RGL1: variants seen among roughly 807,000 people sequenced by gnomAD.
RGL1 encodes ral guanine nucleotide dissociation stimulator like 1, also known as ral guanine nucleotide dissociation stimulator-like 1.
Under a neutral mutation model 95.2 loss-of-function variants are expected in RGL1, and 24 were observed. The ratio of observed to expected loss-of-function variants is 0.25; its 90% CI spans 0.18 to 0.35. The LOEUF (loss-of-function observed/expected upper bound fraction) is 0.35. RGL1 is among the 10% of genes least tolerant of loss of function. The pLI is 1.00. For missense variants in RGL1, 715 were observed against 936.3 expected (o/e 0.76, Z 3.08); for synonymous variants, 329 against 344.9 (o/e 0.95, Z 0.51).
At chr1:183,878,461 G>A (rs1666647373) in intron 4 of RGL1, among the ~76,000 whole-genome samples, 1 of 151,756 alleles carries the variant, frequency 6.6e-6, no homozygotes, top group South Asian at 2.1e-4. Context: ...GCCTCCCAAA[G>A]TGCTGGGATT....
intron 17 of RGL1, 41 bp from the exon 18 acceptor site, chr1:183,926,064 C>T (rs200888969): frequency 3.8e-6 from 6 of 1,576,096 alleles, no homozygotes; most frequent in Middle Eastern, 1.7e-4. Context: ...CTGAGCTGAC[C>T]TCCACAAGCT....
At chr1:183,836,877 A>T (rs539110522) in intron 2 of RGL1, among the ~76,000 whole-genome samples, 1 of 152,110 alleles carries the variant, frequency 6.6e-6, no homozygotes, top group African/African-American at 2.4e-5. Flanking sequence ...AAACTAAACA[A>T]CGTCATTATT....
chr1:183,647,407 C>G (rs1650368590), intron 1 of RGL1: 1 of 285,076 alleles, frequency 3.5e-6, no homozygotes, highest in African/African-American at 2.2e-5. Context: ...TTTTCTGCAT[C>G]AAAATATTAG....
At chr1:183,855,989 C>T (rs1300759313) in intron 3 of RGL1, among the ~76,000 whole-genome samples, 1 of 152,116 alleles carries the variant, frequency 6.6e-6, no homozygotes, top group African/African-American at 2.4e-5. Context: ...TGTGCCTCCC[C>T]CAACCCACCC....
At position 183,904,924 on chromosome 1, in the gene RGL1, G is replaced by T. The variant is rs372228874; in HGVS notation, c.1425G>T (p.Lys475Asn). ...GCTATTGCATGACCCCAGACCAAAA[G>T]TTCATCCAGTGGTTCCAGAGGCAGC... is the stretch of plus-strand genomic sequence containing the variant. ...CNSYCMTPDQ[K>N]FIQWFQRQQL... Residue 475 changes from lysine to asparagine, a missense_variant, in exon 13 of 18, where the codon AAG (lysine) becomes AAT (asparagine). Around this residue, in one of 3 missense-constraint regions of RGL1, gnomAD observed 330 missense variants for 429.6 expected, o/e 0.77. Coordinates refer to ENST00000360851, the MANE Select transcript of RGL1 (RefSeq NM_001297671.3). 1 of 1,613,754 alleles carries T rather than the reference G, an allele frequency of 6.2e-7. No homozygotes were observed. Among genetic ancestry groups the T allele is most frequent in the Non-Finnish European group, 8.5e-7 (1 of 1,179,890 alleles).
chr1:183,884,756 C>G lies in RGL1; in HGVS notation c.769C>G (p.Leu257Val). ...LFKKVVPHHC[L>V]GCIWSRRDKK... ...CAAGAAAGTAGTGCCTCACCACTGC[C>G]TGGGCTGCATTTGGTCTCGAAGGGA... Residue 257 changes from leucine (L) to valine (V), a missense_variant, in exon 7 of 18, where the codon CTG becomes GTG. Leu to Val is a conservative substitution (Grantham distance 32). Transcript: ENST00000360851. 6.2e-7 allele frequency: 1 copy of G among 1,614,064 alleles called. No individual in the cohort carries two copies. Among genetic ancestry groups the G allele is most frequent in the Non-Finnish European group, 8.5e-7 (1 of 1,179,966 alleles).
In RGL1 at chr1:183,759,696, G is replaced by C. The variant is rs567014964; in HGVS notation, c.132+17407G>C. Among the ~76,000 whole-genome samples the C allele has an allele frequency of 4.6e-5, 7 of 152,314 alleles. No individual in the cohort carries two copies. The South Asian group carries it at 1.2e-3, about 27-fold the overall frequency. On this transcript the variant is annotated intron_variant, in intron 2 of 18. Transcript: ENST00000304685. The stretch of plus-strand genomic sequence containing the variant: ...TCTCTCCAGCTCCAGTTTGTCAACT[G>C]TCTTATTCTTTTCCATTGGCCCTTG...
At position 183,790,027 on chromosome 1, in the gene RGL1, T is replaced by A. The variant is rs577147602; in HGVS notation, c.133-16348T>A. ...CCTCCACCTCCCGGGTTCAAGCGAT[T>A]CTCCTGCCTCAGCCTCCCGAGTAGC... On this transcript the variant is annotated intron_variant, in intron 2 of 18. Coordinates refer to the RGL1 transcript ENST00000304685. Among the ~76,000 whole-genome samples, 86 of 151,960 alleles carry A rather than the reference T, an allele frequency of 5.7e-4. 3 individuals are homozygous for A. In the South Asian group the frequency reaches 0.018, roughly 31 times the overall value.
intron 2 of RGL1, among the ~76,000 whole-genome samples, chr1:183,773,396 GATTA>G (rs1659409674): frequency 6.6e-6 from 1 of 152,134 alleles, no homozygotes; most frequent in Admixed American, 6.5e-5. Flanking sequence ...TGAATGAATG[GATTA>G]ATTAATGAAC....
intron 2 of RGL1, among the ~76,000 whole-genome samples, chr1:183,833,453 G>A (rs1663400257): frequency 6.6e-6 from 1 of 152,144 alleles, no homozygotes; most frequent in African/African-American, 2.4e-5. Context: ...CTTGTTCTGG[G>A]TCTACTGATC....
In RGL1 at chr1:183,793,949, G is replaced by A. The variant is rs115611738; in HGVS notation, c.133-12426G>A. Among the ~76,000 whole-genome samples the A allele has an allele frequency of 7.8e-3, 1,185 of 151,820 alleles. 18 individuals are homozygous for A. The highest frequency in any genetic ancestry group is 0.026 in the African/African-American group (1,090 of 41,434). On this transcript the variant is annotated intron_variant, in intron 2 of 18. Transcript: ENST00000304685. ...GTATATCAAAGGAAATTAGTATATC[G>A]AAGGGCTACCTGGACCTCCATGTAT...
At position 183,752,313 on chromosome 1, in the gene RGL1, G is replaced by A. The variant is rs565120701; in HGVS notation, c.132+10024G>A. Among the ~76,000 whole-genome samples, 84 of 151,684 alleles carry A rather than the reference G, an allele frequency of 5.5e-4. 1 individual carries two copies. Among genetic ancestry groups the A allele is most frequent in the African/African-American group, 1.9e-3 (78 of 41,346 alleles). ...ACAATTTGGGCTCACTGCAACTTCC[G>A]CCTCCTGGTTTCAAGCGATTCTCCT... On this transcript the variant is annotated intron_variant, in intron 2 of 18. Transcript: ENST00000304685.
At chr1:183,718,353 A>G (rs1655770429) in intron 1 of RGL1, among the ~76,000 whole-genome samples, 1 of 152,246 alleles carries the variant, frequency 6.6e-6, no homozygotes, top group Non-Finnish European at 1.5e-5. Context: ...AAGGAATGAC[A>G]TAAGTTTGTG....
intron 2 of RGL1, among the ~76,000 whole-genome samples, chr1:183,797,882 T>G (rs556963009): frequency 6.6e-6 from 1 of 152,310 alleles, no homozygotes; most frequent in African/African-American, 2.4e-5. Flanking sequence ...CATAGGGATA[T>G]TGGAAGAAAT....
intron 1 of RGL1, among the ~76,000 whole-genome samples, chr1:183,725,334 T>G (rs1656251741): frequency 6.6e-6 from 1 of 152,176 alleles, no homozygotes; most frequent in Non-Finnish European, 1.5e-5. Flanking sequence ...GAGGTTTAAT[T>G]GACGGTTCTG....
At chr1:183,640,491 TA>T (rs1333566557) in intron 1 of RGL1, among the ~76,000 whole-genome samples, 10 of 152,004 alleles carry the variant, frequency 6.6e-5, no homozygotes, top group Admixed American at 4.6e-4. Flanking sequence ...CTTCAAAGAT[TA>T]AAAAAAATTG....
At chr1:183,844,586 A>G (rs1310312393) in intron 2 of RGL1, among the ~76,000 whole-genome samples, 1 of 152,188 alleles carries the variant, frequency 6.6e-6, no homozygotes, top group Non-Finnish European at 1.5e-5. Context: ...TTTTGGAACT[A>G]GTGTTTTACG....
intron 2 of RGL1, among the ~76,000 whole-genome samples, chr1:183,794,964 T>A (rs1660623625): frequency 6.7e-6 from 1 of 149,738 alleles, no homozygotes; most frequent in South Asian, 2.3e-4. Context: ...GCTTTTAGAG[T>A]ACAAGCAACT....
chr1:183,871,316 C>T (rs1666170844), intron 4 of RGL1, among the ~76,000 whole-genome samples: 1 of 152,178 alleles, frequency 6.6e-6, no homozygotes, highest in Non-Finnish European at 1.5e-5. Context: ...AAAGCATTGT[C>T]TTGTGGGAGT....
Sources: gnomAD v4.1 joint callset for allele counts (sites outside exome capture counted in the v4.1 genomes callset) on GRCh38, gnomAD v4.1.1 for gene constraint, gnomAD v4.1.1 regional missense constraint, MANE v1.5 for transcripts, NCBI Gene and HGNC (gene_info 2026-07-23, HGNC 2026-07-21) for gene names.